Variants in DOCK4 observed in about 807,000 individuals in gnomAD.
The protein encoded by DOCK4 is dedicator of cytokinesis 4, also known as dedicator of cytokinesis protein 4.
In DOCK4, 97 loss-of-function variants were observed where a neutral mutation model predicts 268.1. The ratio of observed to expected loss-of-function variants is 0.36; its 90% CI spans 0.31 to 0.43. The LOEUF is 0.43. DOCK4 is among the 20% of genes least tolerant of loss of function. The probability of loss-of-function intolerance (pLI) is 1.00; values close to 1 mark genes in which losing one functional copy is unlikely to be tolerated. For missense variants in DOCK4, 2,145 were observed against 2,455.7 expected, an observed-to-expected ratio of 0.87 and a Z score of 2.67; for synonymous variants, 954 against 887.2, an observed-to-expected ratio of 1.08 and a Z score of -1.34.
At chr7:112,031,234 C>A (rs1443817431) in intron 1 of DOCK4, among the ~76,000 whole-genome samples, 1 of 152,206 alleles carries the variant, frequency 6.6e-6, no homozygotes, top group African/African-American at 2.4e-5. Context: ...TGGCCTTCAG[C>A]CCAGTGCATT....
At chr7:111,948,670 T>C (rs942606368) in intron 8 of DOCK4, among the ~76,000 whole-genome samples, 1 of 151,642 alleles carries the variant, frequency 6.6e-6, no homozygotes, top group African/African-American at 2.4e-5. Context: ...TCTCGGCTCA[T>C]TGCAACCTCT....
intron 12 of DOCK4, among the ~76,000 whole-genome samples, chr7:111,922,817 G>A (rs935967958): frequency 2.8e-4 from 42 of 152,000 alleles, no homozygotes; most frequent in African/African-American, 7.3e-4. Flanking sequence ...TCCTGACCTC[G>A]GTATCCACCC....
At chr7:111,984,762 A>C (rs1192866854) in intron 6 of DOCK4, among the ~76,000 whole-genome samples, 1 of 152,206 alleles carries the variant, frequency 6.6e-6, no homozygotes, top group Non-Finnish European at 1.5e-5. Flanking sequence ...ATTTGGTTCT[A>C]GAAATTGGAG....
At chr7:111,756,635 C>T (rs913972289) in intron 41 of DOCK4, among the ~76,000 whole-genome samples, 2 of 152,066 alleles carry the variant, frequency 1.3e-5, no homozygotes, top group Non-Finnish European at 2.9e-5. Flanking sequence ...TGACACGTTT[C>T]TTTTTTGTCA....
intron 30 of DOCK4, among the ~76,000 whole-genome samples, chr7:111,800,281 C>T (rs1166544217): frequency 6.7e-6 from 1 of 149,008 alleles, no homozygotes; most frequent in Non-Finnish European, 1.5e-5. Context: ...ATGTTTAGAA[C>T]AAGTCAGAAA....
chr7:111,965,606 G>A (rs1797306580), intron 8 of DOCK4, among the ~76,000 whole-genome samples: 1 of 49,370 alleles, frequency 2.0e-5, no homozygotes, highest in Non-Finnish European at 3.0e-5. Flanking sequence ...CATTAATAAT[G>A]GGAGACTTTA....
At chr7:111,887,137 G>A (rs1319560886) in intron 16 of DOCK4, among the ~76,000 whole-genome samples, 2 of 151,932 alleles carry the variant, frequency 1.3e-5, no homozygotes, top group Admixed American at 6.6e-5. Flanking sequence ...GAACTGACCA[G>A]TCATGCAACC....
At position 111,811,934 on chromosome 7, in the gene DOCK4, T is replaced by G; in HGVS notation, c.2946A>C (p.Thr982=). The G allele has an allele frequency of 6.6e-7, 1 of 1,514,576 alleles. No homozygotes were observed. Among genetic ancestry groups the G allele is most frequent in the Non-Finnish European group, 8.9e-7 (1 of 1,120,160 alleles). 93.8% of individuals were successfully genotyped at this position (1,514,576 alleles called of 1,614,324 possible). The stretch of plus-strand genomic sequence containing the variant: ...GAAGTGCATCTGAGAGGTATAGAAC[T>G]GTTGTAATAATAACACTAGTGATAA... The part of the protein sequence containing the change: ...RLVANNVIIT[T]VLYLSDALRK... The change falls in exon 28 of 53, where the codon ACA becomes ACC. Residue 982 remains threonine (T), a synonymous_variant. Transcript: ENST00000428084.
intron 16 of DOCK4, among the ~76,000 whole-genome samples, chr7:111,878,534 C>T (rs1431010378): frequency 2.0e-5 from 3 of 152,180 alleles, no homozygotes; most frequent in African/African-American, 7.2e-5. Flanking sequence ...CTTCATATCC[C>T]TGAAAAAGGT....
At chr7:111,814,151 TAACA>T (rs891513854) in intron 27 of DOCK4, among the ~76,000 whole-genome samples, 3 of 152,180 alleles carry the variant, frequency 2.0e-5, no homozygotes, top group African/African-American at 7.2e-5. Flanking sequence ...AGAAAGGAGC[TAACA>T]AACTCAATCT....
intron 5 of DOCK4, among the ~76,000 whole-genome samples, chr7:111,991,138 T>C (rs868691458): frequency 6.6e-6 from 1 of 152,212 alleles, no homozygotes; most frequent in Non-Finnish European, 1.5e-5. Flanking sequence ...AGGATGGACT[T>C]GATTTTCTGT....
rs1318732920 is a variant in DOCK4, at chr7:111,808,825, G to C, written c.3162C>G (p.Asn1054Lys). The C allele has an allele frequency of 1.9e-6, 3 of 1,612,310 alleles. No individual in the cohort carries two copies. The highest frequency in any genetic ancestry group is 1.3e-5 in the African/African-American group (1 of 74,896). ...GCTTCTCTTTTCCTCACTTACCTAG[G>C]TTTTGCCACATGCTGAAAATTTCAC... Reference protein sequence around the residue: ...MGCEIFSMWQNLGEHKLHFIP... With the variant: ...MGCEIFSMWQKLGEHKLHFIP... Residue 1054 changes from asparagine to lysine, a missense_variant, in exon 30 of 53, where the codon AAC becomes AAG. Asn to Lys is a moderately conservative substitution (Grantham distance 94). This residue lies in a region of DOCK4 where 1,598 missense variants were observed against 1,986.7 expected (regional missense o/e 0.80). Coordinates refer to ENST00000428084, the MANE Select transcript of DOCK4 (RefSeq NM_001363540.2).
chr7:112,138,579 G>C (rs1431315580), intron 1 of DOCK4, among the ~76,000 whole-genome samples: 2 of 152,160 alleles, frequency 1.3e-5, no homozygotes, highest in Non-Finnish European at 2.9e-5. Flanking sequence ...AAGAAGGCAA[G>C]GGCAGTTCCC....
intron 30 of DOCK4, among the ~76,000 whole-genome samples, chr7:111,794,374 A>C (rs555563351): frequency 2.0e-5 from 3 of 152,298 alleles, no homozygotes; most frequent in East Asian, 1.9e-4. Flanking sequence ...CTATTTCAGA[A>C]CTTTCAGTGA....
At chr7:111,940,397 TG>T (rs1204816663) in intron 10 of DOCK4, among the ~76,000 whole-genome samples, 155 bp from the exon 11 acceptor site, 1 of 152,216 alleles carries the variant, frequency 6.6e-6, no homozygotes, top group Non-Finnish European at 1.5e-5. Flanking sequence ...GCTTCAGTTC[TG>T]GATTCTCCTC....
chr7:112,149,626 A>T (rs563880898), intron 1 of DOCK4, among the ~76,000 whole-genome samples: 8 of 152,324 alleles, frequency 5.3e-5, no homozygotes, highest in Non-Finnish European at 1.0e-4. Flanking sequence ...CATCATGGAC[A>T]AGAGAATGCA....
In DOCK4 at chr7:111,913,408, ATT is replaced by A. The variant is rs560484859; in HGVS notation, c.1192+2369_1192+2370del. Among the ~76,000 whole-genome samples, 112 of 132,488 alleles carry A rather than the reference ATT, an allele frequency of 8.5e-4. 1 individual carries two copies. The highest frequency in any genetic ancestry group is 2.3e-3 in the African/African-American group (83 of 35,778). The allele number at this position is 132,488 out of a possible 152,430, so 86.9% of individuals were successfully genotyped here. On this transcript the variant is annotated intron_variant, in intron 13 of 52. Transcript: ENST00000428084. ...AACATAGGGAGATCCCATCTTTACA[ATT>A]TTTTTTTTTTTTTTTTTGAGACAGA...
At chr7:111,734,925 T>G (rs922098994) in intron 51 of DOCK4, 129 bp downstream of exon 51, 1 of 707,418 alleles carries the variant, frequency 1.4e-6, no homozygotes, top group Admixed American at 2.2e-5. Flanking sequence ...GTCAAGGAAT[T>G]ATGCAGCTAC....
chr7:111,736,232 T>C (rs967314001), intron 50 of DOCK4, among the ~76,000 whole-genome samples: 3 of 152,316 alleles, frequency 2.0e-5, no homozygotes, highest in Middle Eastern at 3.4e-3. Flanking sequence ...TCTTGATTTA[T>C]TGGCCTGGGG....
Sources: gnomAD v4.1 joint callset for allele counts (sites outside exome capture counted in the v4.1 genomes callset) on GRCh38, gnomAD v4.1.1 for gene constraint, gnomAD v4.1.1 regional missense constraint, MANE v1.5 for transcripts, NCBI Gene and HGNC (gene_info 2026-07-23, HGNC 2026-07-21) for gene names.